CPNE8: variants seen among roughly 807,000 people sequenced by gnomAD.
CPNE8 encodes copine-8.
In CPNE8, 45 loss-of-function variants were observed where a neutral mutation model predicts 81.5. The ratio of observed to expected loss-of-function variants is 0.55; its 90% CI spans 0.44 to 0.71. The LOEUF (loss-of-function observed/expected upper bound fraction) is 0.71, where lower values mean the gene tolerates loss of function less well. CPNE8 is among the 30% of genes least tolerant of loss of function. The pLI is 0.00. For missense variants in CPNE8, 594 were observed against 672.1 expected (o/e 0.88, Z 1.28); for synonymous variants, 252 against 226.3 (o/e 1.11, Z -1.02).
chr12:38,763,302 C>G (rs570270953), intron 8 of CPNE8, among the ~76,000 whole-genome samples: 183 of 152,298 alleles, frequency 1.2e-3, no homozygotes, highest in African/African-American at 4.2e-3. Context: ...CATGAGGAAG[C>G]TCTCCAATTG....
At chr12:38,897,845 A>G (rs1944409790) in intron 1 of CPNE8, among the ~76,000 whole-genome samples, 1 of 151,902 alleles carries the variant, frequency 6.6e-6, no homozygotes. Flanking sequence ...GTTTTATCTC[A>G]CTTACATGTA....
chr12:38,763,563 A>G (rs1941615985), intron 8 of CPNE8, among the ~76,000 whole-genome samples: 1 of 152,242 alleles, frequency 6.6e-6, no homozygotes, highest in South Asian at 2.1e-4. Context: ...CTAAGGGAAG[A>G]AAGACAGCAA....
chr12:38,755,264 T>C (rs1941432942), intron 10 of CPNE8, among the ~76,000 whole-genome samples: 1 of 152,202 alleles, frequency 6.6e-6, no homozygotes, highest in Non-Finnish European at 1.5e-5. Context: ...TTACTCTCTC[T>C]GTTCACAAGC....
chr12:38,704,722 T>C (rs541773006), intron 13 of CPNE8, among the ~76,000 whole-genome samples: 2 of 151,562 alleles, frequency 1.3e-5, no homozygotes, highest in East Asian at 3.9e-4. Context: ...GAGAGTATCA[T>C]GCTGCTTTTC....
At chr12:38,888,591 G>A (rs1944268319) in intron 1 of CPNE8, among the ~76,000 whole-genome samples, 1 of 152,184 alleles carries the variant, frequency 6.6e-6, no homozygotes, top group Non-Finnish European at 1.5e-5. Context: ...ATGATCAGCT[G>A]AGATACAGGA....
chr12:38,720,489 A>G (rs963533652), intron 13 of CPNE8, among the ~76,000 whole-genome samples: 4 of 152,238 alleles, frequency 2.6e-5, no homozygotes, highest in African/African-American at 7.2e-5. Context: ...CATATTCTTC[A>G]CATGCTCATA....
At chr12:38,874,580 A>G in intron 1 of CPNE8, 69 bp from the exon 2 acceptor site, 1 of 958,564 alleles carries the variant, frequency 1.0e-6, no homozygotes, top group South Asian at 1.4e-5. Flanking sequence ...TAGACATATT[A>G]AAATGTGTAT....
At chr12:38,862,255 A>C (rs1943847866) in intron 3 of CPNE8, among the ~76,000 whole-genome samples, 1 of 149,384 alleles carries the variant, frequency 6.7e-6, no homozygotes, top group Non-Finnish European at 1.5e-5. Context: ...CATTATACAT[A>C]TTATTATATA....
At chr12:38,705,680 C>T (rs909317577) in intron 13 of CPNE8, among the ~76,000 whole-genome samples, 2 of 152,054 alleles carry the variant, frequency 1.3e-5, no homozygotes, top group Non-Finnish European at 2.9e-5. Flanking sequence ...CTTCGTCATG[C>T]TGTGGTAGGG....
intron 10 of CPNE8, among the ~76,000 whole-genome samples, chr12:38,756,058 A>G (rs1044933194): frequency 1.3e-5 from 2 of 150,954 alleles, no homozygotes; most frequent in Non-Finnish European, 3.0e-5. Context: ...AAAAAAAAGA[A>G]CAGGTAACTA....
Position 38,653,921 on chromosome 12 carries a change from T to A in CPNE8, c.1656A>T (p.Pro552=), listed in dbSNP as rs749367870. ...GTAACACATGTGTAGGTGGGGTGTA[T>A]GGGGGAGGCGCAGGTGATGGCTTGA... ...RGIKPSPAPP[P]YTPPTHVLQT... is the part of the protein sequence containing the mutation. Residue 552 remains proline, a synonymous_variant, in exon 20 of 20, where the codon CCA becomes CCT. Transcript: ENST00000331366. 3.1e-5 allele frequency: 50 copies of A among 1,613,364 alleles called. No homozygotes were observed. The Admixed American group carries it at 8.3e-4, about 27-fold the overall frequency.
intron 6 of CPNE8, among the ~76,000 whole-genome samples, chr12:38,786,755 T>A (rs886397053): frequency 7.2e-5 from 11 of 152,122 alleles, no homozygotes; most frequent in Non-Finnish European, 1.5e-5. Context: ...AAGGTCACTA[T>A]ATAAAGATAA....
At chr12:38,848,095 T>A (rs1208743083) in intron 4 of CPNE8, among the ~76,000 whole-genome samples, 2 of 152,124 alleles carry the variant, frequency 1.3e-5, no homozygotes, top group Non-Finnish European at 2.9e-5. Flanking sequence ...GTAACAAGAA[T>A]ACTTAACATA....
At chr12:38,782,327 T>G (rs887205562) in intron 6 of CPNE8, among the ~76,000 whole-genome samples, 3 of 152,182 alleles carry the variant, frequency 2.0e-5, no homozygotes, top group Admixed American at 6.6e-5. Flanking sequence ...GATTCTTAAT[T>G]AAATTTTAGA....
At chr12:38,770,380 T>C (rs909934009) in intron 7 of CPNE8, among the ~76,000 whole-genome samples, 7 of 152,220 alleles carry the variant, frequency 4.6e-5, no homozygotes, top group African/African-American at 1.7e-4. Context: ...ATCTTTACTT[T>C]GGCTCTGCTG....
chr12:38,686,974 T>C (rs1475802026), intron 15 of CPNE8, among the ~76,000 whole-genome samples: 1 of 152,184 alleles, frequency 6.6e-6, no homozygotes, highest in Admixed American at 6.6e-5. Flanking sequence ...AAAAAGAAGA[T>C]AGCCTCCACT....
chr12:38,678,135 G>T (rs1939333791), intron 16 of CPNE8, among the ~76,000 whole-genome samples: 1 of 151,846 alleles, frequency 6.6e-6, no homozygotes, highest in Admixed American at 6.6e-5. Context: ...CGTTTAAATG[G>T]TGAATTTTAT....
chr12:38,662,281 C>G (rs532833130), intron 19 of CPNE8, among the ~76,000 whole-genome samples: 2 of 151,982 alleles, frequency 1.3e-5, no homozygotes, highest in Admixed American at 1.3e-4. Context: ...ATACAACTGT[C>G]GGAACTAATA....
At chr12:38,675,957 CA>C (rs991979917) in intron 17 of CPNE8, among the ~76,000 whole-genome samples, 183 bp from the exon 18 acceptor site, 2 of 150,844 alleles carry the variant, frequency 1.3e-5, no homozygotes, top group Non-Finnish European at 3.0e-5. Context: ...CCATCTACAC[CA>C]AAAAATAATT....
Sources: allele counts gnomAD v4.1 joint callset (sites outside exome capture counted in the v4.1 genomes callset), GRCh38; gene constraint gnomAD v4.1.1; transcripts MANE v1.5; gene names NCBI Gene and HGNC (gene_info 2026-07-23, HGNC 2026-07-21).